Variants in NAB1 observed in about 807,000 individuals in gnomAD.
NAB1 encodes the protein NGFI-A binding protein 1.
NAB1 carries 25 observed loss-of-function variants against 49.9 expected under a neutral mutation model. The ratio of observed to expected loss-of-function variants is 0.50; its 90% CI spans 0.37 to 0.70. The LOEUF (loss-of-function observed/expected upper bound fraction) is 0.70. Ranked by LOEUF, NAB1 falls within the 30% of genes least tolerant of loss-of-function variation. NAB1 has a pLI of 0.00. For synonymous variants in NAB1, 198 were observed against 215.6 expected, an observed-to-expected ratio of 0.92 and a Z score of 0.71; for missense variants, 489 against 575.9, an observed-to-expected ratio of 0.85 and a Z score of 1.54.
Position 190,659,153 on chromosome 2 carries a change from GGC to G in NAB1, c.-19-4_-19-3del. 1 of 923,462 alleles carries G rather than the reference GGC, an allele frequency of 1.1e-6. No homozygotes were observed. Among genetic ancestry groups the G allele is most frequent in the South Asian group, 2.7e-5 (1 of 37,564 alleles). The allele number at this position is 923,462 out of a possible 1,614,324, so 57.2% of individuals were successfully genotyped here. On this transcript the variant is annotated splice_region_variant and splice_polypyrimidine_tract_variant and intron_variant, in intron 3 of 9. Coordinates refer to ENST00000337386, the MANE Select transcript of NAB1 (RefSeq NM_005966.4). The surrounding 1 kb of genome is among the most constrained non-coding windows in gnomAD (Gnocchi z 6.2). Reference sequence around the variant, plus strand: ...AGTTTTTACTTTTTTTTTTTTTTTTGGCAGGTTAAACCCATCCAGAGTAATGG... The same window carrying G: ...AGTTTTTACTTTTTTTTTTTTTTTTGAGGTTAAACCCATCCAGAGTAATGG...
intron 4 of NAB1, among the ~76,000 whole-genome samples, chr2:190,661,555 T>G (rs931514214): frequency 2.0e-5 from 3 of 152,176 alleles, no homozygotes; most frequent in African/African-American, 7.2e-5. Flanking sequence ...TTAACAAACC[T>G]AGTTAACCTG....
rs1693818773 is a variant in NAB1 at position 190,654,385 on chromosome 2, A to T, written c.-196-1592A>T. Among the ~76,000 whole-genome samples the T allele has an allele frequency of 1.3e-5, 2 of 152,186 alleles. No homozygotes were observed. Among genetic ancestry groups the T allele is most frequent in the Admixed American group, 6.5e-5 (1 of 15,280 alleles). On this transcript the variant is annotated intron_variant, in intron 2 of 9. Transcript: ENST00000337386. The surrounding 1 kb of genome is among the most constrained non-coding windows in gnomAD (Gnocchi z 5.6). ...GTTGGTGTTATTTGAATAAGTTCAAAATGTAAGAGAGACAAAGTGTTGCGG... is the reference window on the plus strand; with the variant it reads ...GTTGGTGTTATTTGAATAAGTTCAATATGTAAGAGAGACAAAGTGTTGCGG...
At position 190,685,756 on chromosome 2, in the gene NAB1, C is replaced by A; in HGVS notation, c.1258+118C>A. On this transcript the variant is annotated intron_variant, in intron 8 of 9. Transcript: ENST00000337386. This position sits in a 1 kb window ranked among gnomAD's most constrained non-coding sequence, Gnocchi z 4.5. ...TTGTAGAGATTATTTTACAGGTTCT[C>A]TTATCAAAATTATTTTTTGAATTCT... 1 of 802,480 alleles carries A rather than the reference C, an allele frequency of 1.2e-6. No individual in the cohort carries two copies. The highest frequency in any genetic ancestry group is 1.7e-6 in the Non-Finnish European group (1 of 580,224). 49.7% of individuals were successfully genotyped at this position (802,480 alleles called of 1,614,324 possible).
rs116548211 is a variant in NAB1 at position 190,655,673 on chromosome 2, T to C, written c.-196-304T>C. 7.0e-3 allele frequency among the ~76,000 whole-genome samples: 1,059 copies of C among 152,208 alleles called. 13 individuals carry two copies. The highest frequency in any genetic ancestry group is 0.024 in the African/African-American group (999 of 41,526). The stretch of plus-strand genomic sequence containing the variant: ...TTTTCTCTAGTGACAATTAAAGCCC[T>C]CTGTCCTATCAAAAAATCCTCACAT... On this transcript the variant is annotated intron_variant, in intron 2 of 9. Coordinates refer to ENST00000337386, the MANE Select transcript of NAB1 (RefSeq NM_005966.4).
Position 190,663,392 on chromosome 2 carries a change from G to T in NAB1, c.819+3397G>T, listed in dbSNP as rs1188652470. ...CTTTTTTAGAGATCTGCAAACTAGG[G>T]TCTGTGTGCCCAGTCTCACTCACCT... On this transcript the variant is annotated intron_variant, in intron 4 of 9. Transcript: ENST00000337386. The surrounding 1 kb of genome is among the most constrained non-coding windows in gnomAD (Gnocchi z 4.2). 6.6e-6 allele frequency among the ~76,000 whole-genome samples: 1 copy of T among 152,144 alleles called. No homozygotes were observed. The highest frequency in any genetic ancestry group is 1.5e-5 in the Non-Finnish European group (1 of 68,028).
At chr2:190,683,443 G>A (rs1303900628) in intron 6 of NAB1, among the ~76,000 whole-genome samples, 1 of 151,042 alleles carries the variant, frequency 6.6e-6, no homozygotes, top group Admixed American at 6.6e-5. Context: ...ACTGCACCCA[G>A]CCTAGGTGAA....
intron 5 of NAB1, among the ~76,000 whole-genome samples, chr2:190,671,283 G>A (rs552188529): frequency 1.3e-5 from 2 of 152,308 alleles, no homozygotes; most frequent in Non-Finnish European, 2.9e-5. Flanking sequence ...ACTTTCACAA[G>A]CATCCCAGAG....
rs1394725914 is a variant in NAB1, at chr2:190,663,459, CTATT to C, written c.819+3472_819+3475del. 3.3e-5 allele frequency among the ~76,000 whole-genome samples: 5 copies of C among 152,190 alleles called. No homozygotes were observed. The highest frequency in any genetic ancestry group is 2.9e-5 in the Non-Finnish European group (2 of 68,016). On this transcript the variant is annotated intron_variant, in intron 4 of 9. Coordinates refer to ENST00000337386, the MANE Select transcript of NAB1 (RefSeq NM_005966.4). The surrounding 1 kb of genome is among the most constrained non-coding windows in gnomAD (Gnocchi z 4.2). ...AATTTTTATTGGCACACAGCTGGGC[CTATT>C]TATTTATGTACTGTTTGTGGCTGAT...
chr2:190,655,513 A>C (rs1297915142), intron 2 of NAB1, among the ~76,000 whole-genome samples: 1 of 152,244 alleles, frequency 6.6e-6, no homozygotes, highest in African/African-American at 2.4e-5. Context: ...AGCATTACCA[A>C]AGTAAGGTGA....
At chr2:190,688,227 G>A (rs1227734284) in intron 9 of NAB1, among the ~76,000 whole-genome samples, 1 of 152,138 alleles carries the variant, frequency 6.6e-6, no homozygotes, top group Admixed American at 6.5e-5. Flanking sequence ...TAAGTCAGCG[G>A]GAAATGTAGT....
rs545549118 is a variant in NAB1, at chr2:190,663,914, T to C, written c.819+3919T>C. On this transcript the variant is annotated intron_variant, in intron 4 of 9. Transcript: ENST00000337386. This position sits in a 1 kb window ranked among gnomAD's most constrained non-coding sequence, Gnocchi z 4.2. ...ATTTCCAAATATGAGTAATTTTTTT[T>C]CCTTATTTTTCCTAATGATTTCTGA... Among the ~76,000 whole-genome samples, 3 of 152,326 alleles carry C rather than the reference T, an allele frequency of 2.0e-5. No homozygotes were observed. The highest frequency in any genetic ancestry group is 4.1e-4 in the South Asian group (2 of 4,824).
Position 190,679,255 on chromosome 2 carries a change from T to G in NAB1, c.1006-4483T>G, listed in dbSNP as rs1368502558. Among the ~76,000 whole-genome samples the G allele has an allele frequency of 6.6e-6, 1 of 152,232 alleles. No individual in the cohort carries two copies. Among genetic ancestry groups the G allele is most frequent in the Middle Eastern group, 3.2e-3 (1 of 316 alleles). On this transcript the variant is annotated intron_variant, in intron 6 of 9. Coordinates refer to ENST00000337386, the MANE Select transcript of NAB1 (RefSeq NM_005966.4). This position sits in a 1 kb window ranked among gnomAD's most constrained non-coding sequence, Gnocchi z 5.3. ...TACTTTTATTTCTAAGTCATATATT[T>G]TGGGGACCTTAAATCTACTTTATGT... is the stretch of plus-strand genomic sequence containing the variant.
At chr2:190,653,883 T>C (rs915383646) in intron 2 of NAB1, 2 of 152,208 alleles carry the variant, frequency 1.3e-5, no homozygotes, top group African/African-American at 2.4e-5. Flanking sequence ...AGCCATGTTA[T>C]AGGAGTGCAC....
rs942519595 is a variant in NAB1, at chr2:190,677,587, T to G, written c.1005+4435T>G. ...ATTAGATCTAATTAAATCTTCTCAT[T>G]CTGGGGCAATTGTAAAAATCGCTAC... On this transcript the variant is annotated intron_variant, in intron 6 of 9. Coordinates refer to ENST00000337386, the MANE Select transcript of NAB1 (RefSeq NM_005966.4). This position sits in a 1 kb window ranked among gnomAD's most constrained non-coding sequence, Gnocchi z 5.6. 1 of 152,238 alleles carries G rather than the reference T, an allele frequency of 6.6e-6. No homozygotes were observed. Among genetic ancestry groups the G allele is most frequent in the African/African-American group, 2.4e-5 (1 of 41,470 alleles). 9.4% of individuals were successfully genotyped at this position (152,238 alleles called of 1,614,324 possible).
intron 5 of NAB1, among the ~76,000 whole-genome samples, chr2:190,672,043 G>C (rs1357142355): frequency 6.6e-6 from 1 of 151,864 alleles, no homozygotes; most frequent in Non-Finnish European, 1.5e-5. Context: ...CAAAGTGCTG[G>C]GATTACAGGC....
rs911143109 is a variant in NAB1, at chr2:190,689,884, AT to A, written c.1376-360del. Among the ~76,000 whole-genome samples the A allele has an allele frequency of 6.6e-6, 1 of 151,564 alleles. No homozygotes were observed. Among genetic ancestry groups the A allele is most frequent in the African/African-American group, 2.4e-5 (1 of 41,286 alleles). ...TTAAATAAAAATTAATATATTCTAT[AT>A]GCTAAATGTTTTATGTGCATTTCAT... On this transcript the variant is annotated intron_variant, in intron 9 of 9. Coordinates refer to ENST00000337386, the MANE Select transcript of NAB1 (RefSeq NM_005966.4). The surrounding 1 kb of genome is among the most constrained non-coding windows in gnomAD (Gnocchi z 4.3).
chr2:190,673,247 C>T (rs1045835249), intron 6 of NAB1, 95 bp downstream of exon 6: 9 of 1,124,240 alleles, frequency 8.0e-6, no homozygotes, highest in Non-Finnish European at 1.1e-5. Context: ...AAAAGATGGT[C>T]CCATAAACTA....
In NAB1 at chr2:190,673,139, G is replaced by T; in HGVS notation, c.992G>T (p.Arg331Ile). The T allele has an allele frequency of 6.2e-7, 1 of 1,610,516 alleles. No homozygotes were observed. The highest frequency in any genetic ancestry group is 8.5e-7 in the Non-Finnish European group (1 of 1,178,894). Residue 331 changes from arginine (R) to isoleucine (I), a missense_variant, in exon 6 of 10, where the codon AGA (arginine) becomes ATA (isoleucine). Arg to Ile is a moderately conservative substitution (Grantham distance 97). Coordinates refer to ENST00000337386, the MANE Select transcript of NAB1 (RefSeq NM_005966.4). ...CGERDELSPK[R>I]IKVEDGFPDF... ...GAAAGAGATGAATTATCCCCAAAGA[G>T]AATTAAAGTGGAGGTATGGTCATAT... is the stretch of plus-strand genomic sequence containing the variant.
chr2:190,685,476 C>T lies in NAB1; in HGVS notation c.1096C>T (p.Gln366Ter). 1 of 1,605,052 alleles carries T rather than the reference C, an allele frequency of 6.2e-7. No homozygotes were observed. Residue 366 changes from glutamine (Q) to a stop codon, truncating the protein, a stop_gained and splice_region_variant, in exon 8 of 10, where the codon CAG (glutamine) becomes TAG (stop). Transcript: ENST00000337386. LOFTEE classifies it high-confidence loss of function. The surrounding 1 kb of genome is among the most constrained non-coding windows in gnomAD (Gnocchi z 4.5). The part of the protein sequence containing the change: ...SEELAALSSQ[Q>*]PEKVMAKQME... The stretch of plus-strand genomic sequence containing the variant: ...ATTTGATTTTTGCTTTACTTACTAG[C>T]AGCCTGAAAAGGTGATGGCAAAGCA...
Sources: allele counts gnomAD v4.1 joint callset (sites outside exome capture counted in the v4.1 genomes callset), GRCh38; gene constraint gnomAD v4.1.1; non-coding constraint Gnocchi (gnomAD v3.1); transcripts MANE v1.5; gene names NCBI Gene and HGNC (gene_info 2026-07-23, HGNC 2026-07-21).